EMILIN2: variants seen among roughly 807,000 people sequenced by gnomAD.
EMILIN2 encodes the protein EMILIN-2.
Under a neutral mutation model 87.1 loss-of-function variants are expected in EMILIN2, and 71 were observed. That is an observed-to-expected ratio of 0.82 (90% CI 0.67 to 0.99). The LOEUF is 0.99. Among genes scored for constraint, EMILIN2 ranks in the 50% least tolerant of loss-of-function variants. The pLI is 0.00. For synonymous variants in EMILIN2, 581 were observed against 563.4 expected, an observed-to-expected ratio of 1.03 and a Z score of -0.44; for missense variants, 1,407 against 1,371.8, an observed-to-expected ratio of 1.03 and a Z score of -0.40.
At position 2,890,445 on chromosome 18, in the gene EMILIN2, A is replaced by G; in HGVS notation, c.434-116A>G. ...CCACAGTACTTACCTACAATTGTGT[A>G]GTGACCTGTAAGTGAAGATGTACAT... On this transcript the variant is annotated intron_variant, in intron 3 of 7. Transcript: ENST00000254528. This position sits in a 1 kb window ranked among gnomAD's most constrained non-coding sequence, Gnocchi z 4.7. 1 of 1,244,042 alleles carries G rather than the reference A, an allele frequency of 8.0e-7. No homozygotes were observed. Among genetic ancestry groups the G allele is most frequent in the Non-Finnish European group, 1.1e-6 (1 of 900,274 alleles). 77.1% of individuals were successfully genotyped at this position (1,244,042 alleles called of 1,614,324 possible). A position where few individuals can be genotyped will look rare whatever the true frequency, so the allele number is the denominator to read the frequency against.
intron 2 of EMILIN2, among the ~76,000 whole-genome samples, chr18:2,869,618 G>A (rs543363060): frequency 6.6e-6 from 1 of 151,158 alleles, no homozygotes; most frequent in South Asian, 2.1e-4. Context: ...TTTTTTTTGA[G>A]ATGGGATCTC....
In EMILIN2 at chr18:2,847,925, C is replaced by T. The variant is rs2076584059; in HGVS notation, c.251C>T (p.Ala84Val). The T allele has an allele frequency of 1.2e-6, 2 of 1,606,658 alleles. No homozygotes were observed. Among genetic ancestry groups the T allele is most frequent in the Admixed American group, 1.7e-5 (1 of 59,792 alleles). The change falls in exon 2 of 8, where the codon GCG becomes GTG. Residue 84 changes from alanine to valine, a missense_variant. Physicochemically the swap from Ala to Val is moderately conservative, Grantham distance 64. Coordinates refer to ENST00000254528, the MANE Select transcript of EMILIN2 (RefSeq NM_032048.3). This position sits in a 1 kb window ranked among gnomAD's most constrained non-coding sequence, Gnocchi z 4.5. ...TGGAACCAGATGCCCTGTCCGTCGG[C>T]GCTGGTGTAAGTCCTGGAGCCGGGG... ...CAWNQMPCPS[A>V]LVYRVNFRPR...
At chr18:2,863,535 T>C (rs2076671661) in intron 2 of EMILIN2, among the ~76,000 whole-genome samples, 1 of 150,466 alleles carries the variant, frequency 6.6e-6, no homozygotes, top group Non-Finnish European at 1.5e-5. Flanking sequence ...CTGTTTTGAG[T>C]GAGTTTCTTA....
At position 2,888,487 on chromosome 18, in the gene EMILIN2, G is replaced by A. The variant is rs575674647; in HGVS notation, c.434-2074G>A. Among the ~76,000 whole-genome samples the A allele has an allele frequency of 1.2e-4, 19 of 152,010 alleles. No individual in the cohort carries two copies. In the East Asian group the frequency reaches 2.5e-3, roughly 20 times the overall value. ...TCCCAGCACTTTGGGAGGCCGAGGC[G>A]GGTGGATCACAAGGTCAGGAGATGG... On this transcript the variant is annotated intron_variant, in intron 3 of 7. Transcript: ENST00000254528.
intron 2 of EMILIN2, among the ~76,000 whole-genome samples, chr18:2,858,833 A>G (rs912218249): frequency 2.0e-5 from 3 of 150,832 alleles, no homozygotes; most frequent in African/African-American, 7.3e-5. Flanking sequence ...ACGGGGTTTC[A>G]CCATGTTGGC....
chr18:2,889,209 C>T (rs1340608942), intron 3 of EMILIN2, among the ~76,000 whole-genome samples: 2 of 137,978 alleles, frequency 1.4e-5, no homozygotes, highest in East Asian at 2.1e-4. Flanking sequence ...ACTATGTCGG[C>T]TCACTGCAAC....
rs974815680 is a variant in EMILIN2 at position 2,847,369 on chromosome 18, G to A, written c.134+47G>A. On this transcript the variant is annotated intron_variant, in intron 1 of 7. Coordinates refer to ENST00000254528, the MANE Select transcript of EMILIN2 (RefSeq NM_032048.3). This position sits in a 1 kb window ranked among gnomAD's most constrained non-coding sequence, Gnocchi z 4.5. Reference sequence around the variant, plus strand: ...GGCCCCAAACCGCCTACCCCTCCCCGGCCCCCAGTTGAGCCCCAGAGCTGC... The same window carrying A: ...GGCCCCAAACCGCCTACCCCTCCCCAGCCCCCAGTTGAGCCCCAGAGCTGC... 68 of 1,260,336 alleles carry A rather than the reference G, an allele frequency of 5.4e-5. No homozygotes were observed. The highest frequency in any genetic ancestry group is 6.7e-5 in the Non-Finnish European group (67 of 1,000,698). The allele number at this position is 1,260,336 out of a possible 1,614,324, so 78.1% of individuals were successfully genotyped here. A position where few individuals can be genotyped will look rare whatever the true frequency, so the allele number is the denominator to read the frequency against.
intron 2 of EMILIN2, among the ~76,000 whole-genome samples, chr18:2,855,645 A>G (rs972734621): frequency 6.6e-6 from 1 of 152,206 alleles, no homozygotes; most frequent in African/African-American, 2.4e-5. Flanking sequence ...AACTCCATCC[A>G]GGTTGGGTGG....
chr18:2,900,669 C>G (rs2076884491), intron 4 of EMILIN2, among the ~76,000 whole-genome samples: 1 of 70,396 alleles, frequency 1.4e-5, no homozygotes. Context: ...TCTAAGCTCA[C>G]CCCGGGCCCA....
At chr18:2,861,604 G>A (rs1268314003) in intron 2 of EMILIN2, among the ~76,000 whole-genome samples, 1 of 152,072 alleles carries the variant, frequency 6.6e-6, no homozygotes, top group Non-Finnish European at 1.5e-5. Context: ...CTCTGTTTTG[G>A]TACCAGTACC....
intron 2 of EMILIN2, among the ~76,000 whole-genome samples, chr18:2,877,560 C>G (rs1399944598): frequency 6.6e-6 from 1 of 151,542 alleles, no homozygotes; most frequent in Admixed American, 6.6e-5. Context: ...GGCGGACCAC[C>G]TGAGGTCAGT....
intron 2 of EMILIN2, among the ~76,000 whole-genome samples, chr18:2,859,213 A>G (rs1196775009): frequency 6.6e-6 from 1 of 152,142 alleles, no homozygotes; most frequent in Non-Finnish European, 1.5e-5. Flanking sequence ...TTTTCACCAC[A>G]TACAAGCCAA....
chr18:2,912,989 C>G, intron 7 of EMILIN2, 78 bp from the exon 8 acceptor site: 1 of 1,473,216 alleles, frequency 6.8e-7, no homozygotes, highest in South Asian at 1.2e-5. Flanking sequence ...CCAGGTTAAT[C>G]ACTGGGGGGC....
chr18:2,868,774 A>G (rs902943189), intron 2 of EMILIN2, among the ~76,000 whole-genome samples: 1 of 151,700 alleles, frequency 6.6e-6, no homozygotes, highest in Non-Finnish European at 1.5e-5. Context: ...TCGGCATCAG[A>G]CGGAGACCGT....
intron 2 of EMILIN2, among the ~76,000 whole-genome samples, chr18:2,863,133 C>T (rs376157767): frequency 9.2e-5 from 14 of 152,222 alleles, no homozygotes; most frequent in South Asian, 2.1e-4. Context: ...GTCTTGCTAG[C>T]GGTCTATCAA....
intron 2 of EMILIN2, among the ~76,000 whole-genome samples, chr18:2,852,311 A>G (rs2076605476): frequency 6.6e-6 from 1 of 152,172 alleles, no homozygotes; most frequent in Non-Finnish European, 1.5e-5. Context: ...TAAAGTTGTT[A>G]TTAGAGAGGC....
intron 3 of EMILIN2, 35 bp downstream of exon 3, chr18:2,885,174 C>A: frequency 6.5e-7 from 1 of 1,527,044 alleles, no homozygotes; most frequent in South Asian, 1.3e-5. Flanking sequence ...GTATGGCCAC[C>A]TTTAATATTT....
chr18:2,865,650 A>G (rs1333737994), intron 2 of EMILIN2, among the ~76,000 whole-genome samples: 2 of 152,218 alleles, frequency 1.3e-5, no homozygotes, highest in Non-Finnish European at 2.9e-5. Context: ...TAGGCTACTC[A>G]GGGATCAGGG....
chr18:2,887,766 C>G (rs1368669171), intron 3 of EMILIN2, among the ~76,000 whole-genome samples: 1 of 151,746 alleles, frequency 6.6e-6, no homozygotes, highest in East Asian at 1.9e-4. Flanking sequence ...GACAAACATA[C>G]CCTGAATTCA....
Sources: allele counts gnomAD v4.1 joint callset (sites outside exome capture counted in the v4.1 genomes callset), GRCh38; gene constraint gnomAD v4.1.1; non-coding constraint Gnocchi (gnomAD v3.1); transcripts MANE v1.5; gene names NCBI Gene and HGNC (gene_info 2026-07-23, HGNC 2026-07-21).